CFAP57: variants seen among roughly 807,000 people sequenced by gnomAD.
The protein encoded by CFAP57 is cilia and flagella associated protein 57.
A neutral mutation model predicts 146.8 loss-of-function variants in CFAP57; 116 were observed. That is an observed-to-expected ratio of 0.79 (90% confidence interval 0.68 to 0.92). CFAP57 has a LOEUF of 0.92. CFAP57 is among the 40% of genes least tolerant of loss of function. CFAP57 has a pLI of 0.00. For synonymous variants in CFAP57, 518 were observed against 552.8 expected (o/e 0.94, Z 0.88); for missense variants, 1,377 against 1,527.2 (o/e 0.90, Z 1.64).
chr1:43,244,164 C>T (rs1340919918), intron 22 of CFAP57, among the ~76,000 whole-genome samples: 1 of 152,156 alleles, frequency 6.6e-6, no homozygotes, highest in East Asian at 1.9e-4. Flanking sequence ...TCTGGACAAT[C>T]GATAAAAACC....
intron 22 of CFAP57, among the ~76,000 whole-genome samples, chr1:43,247,101 C>A (rs1381125220): frequency 6.6e-6 from 1 of 152,176 alleles, no homozygotes; most frequent in Non-Finnish European, 1.5e-5. Flanking sequence ...CCTCTCCAAA[C>A]AACAATATAT....
At chr1:43,208,057 C>T (rs956018629) in intron 10 of CFAP57, among the ~76,000 whole-genome samples, 16 of 152,246 alleles carry the variant, frequency 1.1e-4, no homozygotes, top group Non-Finnish European at 2.9e-5. Flanking sequence ...AAATGCTCAT[C>T]ATCACTGGCC....
At chr1:43,204,652 G>A (rs1244440163) in intron 9 of CFAP57, among the ~76,000 whole-genome samples, 3 of 152,158 alleles carry the variant, frequency 2.0e-5, no homozygotes, top group African/African-American at 7.2e-5. Context: ...TTGCCCATGA[G>A]TTGCCTAAGC....
intron 22 of CFAP57, among the ~76,000 whole-genome samples, chr1:43,250,880 C>T (rs375108551): frequency 5.3e-5 from 8 of 152,202 alleles, no homozygotes; most frequent in African/African-American, 1.9e-4. Flanking sequence ...GTCAGTTGGT[C>T]TTGTTCCACC....
intron 19 of CFAP57, among the ~76,000 whole-genome samples, chr1:43,233,238 C>A (rs1236914784): frequency 6.6e-6 from 1 of 152,180 alleles, no homozygotes; most frequent in Non-Finnish European, 1.5e-5. Context: ...TGCCTGTAAT[C>A]CCAGCACTTT....
At chr1:43,198,727 G>A in intron 8 of CFAP57, 81 bp downstream of exon 8, 1 of 1,536,582 alleles carries the variant, frequency 6.5e-7, no homozygotes, top group Non-Finnish European at 8.9e-7. Context: ...CATGATCTGG[G>A]GAGGTGGGAC....
At chr1:43,207,205 C>T (rs750567543) in intron 10 of CFAP57, among the ~76,000 whole-genome samples, 1 of 152,224 alleles carries the variant, frequency 6.6e-6, no homozygotes, top group Non-Finnish European at 1.5e-5. Flanking sequence ...ACTTCTCTCC[C>T]ACCTTCCAGG....
intron 2 of CFAP57, among the ~76,000 whole-genome samples, chr1:43,180,298 G>A (rs1007802375): frequency 6.7e-6 from 1 of 150,254 alleles, no homozygotes; most frequent in Admixed American, 6.6e-5. Context: ...CTTTATGACT[G>A]TATTGGTATA....
intron 13 of CFAP57, 131 bp from the exon 14 acceptor site, chr1:43,221,237 GAACA>G (rs1645032844): frequency 1.5e-5 from 8 of 549,724 alleles, no homozygotes; most frequent in African/African-American, 3.8e-5. Context: ...CTGCTTCATA[GAACA>G]GTGCTTGGTG....
chr1:43,194,318 A>C (rs1253077360), intron 6 of CFAP57, among the ~76,000 whole-genome samples: 2 of 151,740 alleles, frequency 1.3e-5, no homozygotes, highest in Non-Finnish European at 2.9e-5. Context: ...TATTAATCTT[A>C]TTGGGACTCT....
intron 10 of CFAP57, among the ~76,000 whole-genome samples, chr1:43,208,610 CAG>C (rs1004960837): frequency 3.3e-5 from 5 of 152,232 alleles, no homozygotes; most frequent in African/African-American, 1.2e-4. Context: ...CACTTGGACA[CAG>C]GGTGGGGAAC....
At position 43,224,539 on chromosome 1, in the gene CFAP57, T is replaced by C. The variant is rs540168923; in HGVS notation, c.2865+335T>C. ...GAACCGAGTCAGCTGACTCCACTGC[T>C]CCAGGCATCCTTGGAGGCGCTTCCC... is the stretch of plus-strand genomic sequence containing the variant. On this transcript the variant is annotated intron_variant, in intron 17 of 22. Coordinates refer to ENST00000372492, the MANE Select transcript of CFAP57 (RefSeq NM_001378189.1). Among the ~76,000 whole-genome samples, 49 of 152,246 alleles carry C rather than the reference T, an allele frequency of 3.2e-4. 1 individual carries two copies. The highest frequency in any genetic ancestry group is 1.2e-3 in the African/African-American group (49 of 41,532).
chr1:43,212,603 C>G (rs1473536284), intron 11 of CFAP57, among the ~76,000 whole-genome samples: 3 of 152,072 alleles, frequency 2.0e-5, no homozygotes, highest in African/African-American at 7.2e-5. Context: ...TTGTTGTTAA[C>G]TATAGTCACC....
chr1:43,180,846 A>G (rs1348929668), intron 2 of CFAP57, among the ~76,000 whole-genome samples: 2 of 152,064 alleles, frequency 1.3e-5, no homozygotes, highest in Non-Finnish European at 2.9e-5. Flanking sequence ...GTCTGACCCT[A>G]TTCCACCCCT....
chr1:43,191,941 A>G (rs1643561650), intron 6 of CFAP57, among the ~76,000 whole-genome samples: 1 of 150,974 alleles, frequency 6.6e-6, no homozygotes, highest in Non-Finnish European at 1.5e-5. Flanking sequence ...TTATGTCTTT[A>G]TTTTCATTAA....
At chr1:43,176,760 T>C (rs575309403) in intron 2 of CFAP57, among the ~76,000 whole-genome samples, 94 of 151,816 alleles carry the variant, frequency 6.2e-4, no homozygotes, top group African/African-American at 2.1e-3. Context: ...AGTGAAGCCG[T>C]TGGGGGAGTA....
At chr1:43,194,040 A>G (rs1239789778) in intron 6 of CFAP57, among the ~76,000 whole-genome samples, 1 of 152,122 alleles carries the variant, frequency 6.6e-6, no homozygotes, top group Non-Finnish European at 1.5e-5. Flanking sequence ...TGTCTTTTAT[A>G]ATTACCTTTA....
At chr1:43,172,660 G>A (rs1645019033) in intron 1 of CFAP57, 75 bp from the exon 2 acceptor site, 1 of 1,329,142 alleles carries the variant, frequency 7.5e-7, no homozygotes, top group East Asian at 3.0e-5. Flanking sequence ...GGCGGGGAGG[G>A]CGAGTCCGGG....
intron 22 of CFAP57, among the ~76,000 whole-genome samples, chr1:43,251,182 G>T (rs1646315845): frequency 3.9e-5 from 6 of 152,214 alleles, no homozygotes; most frequent in Admixed American, 3.9e-4. Context: ...CCAGGAGTTT[G>T]GTCAAGGTCC....
Sources: gnomAD v4.1 joint callset for allele counts (sites outside exome capture counted in the v4.1 genomes callset) on GRCh38, gnomAD v4.1.1 for gene constraint, MANE v1.5 for transcripts, NCBI Gene and HGNC (gene_info 2026-07-23, HGNC 2026-07-21) for gene names.